MAEL: variants seen among roughly 807,000 people sequenced by gnomAD.
The protein encoded by MAEL is protein maelstrom homolog.
Under a neutral mutation model 62.0 loss-of-function variants are expected in MAEL, and 46 were observed. The ratio of observed to expected loss-of-function variants is 0.74; its 90% confidence interval spans 0.59 to 0.95. The LOEUF (loss-of-function observed/expected upper bound fraction) is 0.95, where lower values mean the gene tolerates loss of function less well. Among genes scored for constraint, MAEL ranks in the 40% least tolerant of loss-of-function variants. The pLI is 0.00. For synonymous variants in MAEL, 172 were observed against 175.5 expected (o/e 0.98, Z 0.16); for missense variants, 497 against 526.8 (o/e 0.94, Z 0.55).
chr1:167,005,020 TAGG>T lies in MAEL; in HGVS notation c.649-53_649-51del, dbSNP rs139650088. The stretch of plus-strand genomic sequence containing the variant: ...GGACAGCATTAGAAGTCATTCAAAG[TAGG>T]AGAAGATACAAGTAGTTTTTTTGTT... On this transcript the variant is annotated intron_variant, in intron 6 of 11. Transcript: ENST00000367872. 4.1e-4 allele frequency: 629 copies of T among 1,537,804 alleles called. No homozygotes were observed. In the African/African-American group the frequency reaches 6.9e-3, roughly 17 times the overall value.
At chr1:167,011,377 A>C (rs1665167052) in intron 8 of MAEL, among the ~76,000 whole-genome samples, 1 of 152,074 alleles carries the variant, frequency 6.6e-6, no homozygotes, top group Non-Finnish European at 1.5e-5. Flanking sequence ...TAATCTGTAA[A>C]GCTTATGGAT....
At chr1:166,992,461 A>G (rs1418759744) in intron 3 of MAEL, among the ~76,000 whole-genome samples, 4 of 152,296 alleles carry the variant, frequency 2.6e-5, no homozygotes, top group Non-Finnish European at 4.4e-5. Flanking sequence ...TTGTTGCTTC[A>G]TGCAAAGAGT....
intron 2 of MAEL, 42 bp from the exon 3 acceptor site, chr1:166,991,336 C>T: frequency 7.7e-7 from 1 of 1,295,576 alleles, no homozygotes; most frequent in Non-Finnish European, 1.1e-6. Flanking sequence ...CTAAAAGTGC[C>T]CAGCAAGAGT....
chr1:167,013,970 C>T (rs1216129474), intron 8 of MAEL, among the ~76,000 whole-genome samples: 2 of 152,144 alleles, frequency 1.3e-5, no homozygotes, highest in Non-Finnish European at 2.9e-5. Flanking sequence ...CTCATGTCTT[C>T]TCTTTCTGCT....
At chr1:167,009,279 G>C (rs1363397223) in intron 8 of MAEL, among the ~76,000 whole-genome samples, 5 of 152,124 alleles carry the variant, frequency 3.3e-5, no homozygotes, top group Admixed American at 1.3e-4. Context: ...AGTATTCCCT[G>C]TGTTCTTGCA....
rs557305256 is a variant in MAEL at position 167,014,748 on chromosome 1, C to T, written c.846-1474C>T. Among the ~76,000 whole-genome samples, 872 of 152,220 alleles carry T rather than the reference C, an allele frequency of 5.7e-3. 10 individuals carry two copies. The highest frequency in any genetic ancestry group is 0.02 in the African/African-American group (814 of 41,508). ...CTCAGAGAAATGAAAGCCTGCCAGG[C>T]GCAGTGGCTCATGCCTGTAATCCCA... On this transcript the variant is annotated intron_variant, in intron 8 of 11. Coordinates refer to ENST00000367872, the MANE Select transcript of MAEL (RefSeq NM_032858.3).
Position 166,989,822 on chromosome 1 carries a change from A to G in MAEL, c.218A>G (p.Glu73Gly). The change falls in exon 2 of 12, where the codon GAG becomes GGG. Residue 73 changes from glutamate (E) to glycine (G), a missense_variant. Physicochemically the swap from Glu to Gly is moderately conservative, Grantham distance 98. Transcript: ENST00000367872. ...CAGGGAAAGGACCCTGGGCCCTCAG[A>G]GAAGCAGGTAAAGTTAACGAGAGAA... ...AAQGKDPGPS[E>G]KQKPVFTPLR... is the part of the protein sequence containing the mutation. The G allele has an allele frequency of 6.2e-7, 1 of 1,611,834 alleles. No individual in the cohort carries two copies. Among genetic ancestry groups the G allele is most frequent in the African/African-American group, 1.3e-5 (1 of 74,808 alleles).
At chr1:167,014,151 C>G (rs1665283341) in intron 8 of MAEL, among the ~76,000 whole-genome samples, 1 of 152,192 alleles carries the variant, frequency 6.6e-6, no homozygotes, top group Non-Finnish European at 1.5e-5. Flanking sequence ...ATGGAGGCCT[C>G]TTCCTGCTTT....
chr1:166,994,177 G>T, intron 5 of MAEL, 108 bp downstream of exon 5: 1 of 1,023,308 alleles, frequency 9.8e-7, no homozygotes, highest in Non-Finnish European at 1.4e-6. Flanking sequence ...ATAACTTTAG[G>T]TTATTGTTAG....
chr1:166,981,511 A>C (rs1663758284), intron 1 of MAEL, among the ~76,000 whole-genome samples: 1 of 151,976 alleles, frequency 6.6e-6, no homozygotes, highest in Non-Finnish European at 1.5e-5. Context: ...GGAGGGAGGC[A>C]AATATGTGGT....
chr1:166,989,369 C>T lies in MAEL; in HGVS notation c.17C>T (p.Ala6Val). 1 of 1,610,064 alleles carries T rather than the reference C, an allele frequency of 6.2e-7. No homozygotes were observed. The highest frequency in any genetic ancestry group is 8.5e-7 in the Non-Finnish European group (1 of 1,178,350). MPNRKASRNAYYFFVQ... is the reference protein window; with the variant it reads MPNRKVSRNAYYFFVQ... ...CGCGCTGCCATGCCGAACCGTAAGGCCAGCCGGAATGCTTACTATTTCTTC... is the reference window on the plus strand; with the variant it reads ...CGCGCTGCCATGCCGAACCGTAAGGTCAGCCGGAATGCTTACTATTTCTTC... The change falls in exon 1 of 12, where the codon GCC (alanine) becomes GTC (valine). Residue 6 changes from alanine (A) to valine (V), a missense_variant. Transcript: ENST00000367872.
At position 167,017,876 on chromosome 1, in the gene MAEL, G is replaced by T; in HGVS notation, c.958G>T (p.Glu320Ter). ...CACTCTCTTTGGAATCCAGCTCACA[G>T]AGGCTCATGTACCACTACAAGATTA... ...LATLFGIQLT[E>*]AHVPLQDYEA... The change falls in exon 10 of 12, where the codon GAG becomes TAG. Residue 320 changes from glutamate to a stop codon, truncating the protein, a stop_gained. Transcript: ENST00000367872. LOFTEE classifies it high-confidence loss of function. 1 of 1,613,332 alleles carries T rather than the reference G, an allele frequency of 6.2e-7. No homozygotes were observed. Among genetic ancestry groups the T allele is most frequent in the Non-Finnish European group, 8.5e-7 (1 of 1,179,528 alleles).
upstream of MAEL, among the ~76,000 whole-genome samples, chr1:166,985,287 A>G (rs1663878533): frequency 6.6e-6 from 1 of 152,116 alleles, no homozygotes; most frequent in African/African-American, 2.4e-5. Context: ...TAGAGTTTGC[A>G]GGGCAGAGTA....
At chr1:167,018,342 T>C (rs1240123554) in intron 10 of MAEL, among the ~76,000 whole-genome samples, 2 of 152,196 alleles carry the variant, frequency 1.3e-5, no homozygotes, top group Non-Finnish European at 2.9e-5. Context: ...CTAATTTCTC[T>C]ACCACCTTCC....
intron 8 of MAEL, among the ~76,000 whole-genome samples, chr1:167,010,792 T>C (rs1407019447): frequency 6.6e-6 from 1 of 152,172 alleles, no homozygotes; most frequent in African/African-American, 2.4e-5. Context: ...AATAGCTTTC[T>C]GTAGATGAAG....
chr1:166,994,145 C>A, intron 5 of MAEL, 76 bp downstream of exon 5: 2 of 1,263,344 alleles, frequency 1.6e-6, no homozygotes, highest in Non-Finnish European at 1.1e-6. Context: ...CTTTTACACA[C>A]AAACTATAAA....
intron 5 of MAEL, among the ~76,000 whole-genome samples, chr1:166,994,910 C>T (rs960349305): frequency 3.3e-5 from 5 of 150,710 alleles, no homozygotes; most frequent in East Asian, 1.9e-4. Context: ...CCTTGTGATC[C>T]GCCCACATCG....
chr1:167,016,931 A>G (rs1665419790), intron 9 of MAEL, among the ~76,000 whole-genome samples: 1 of 152,152 alleles, frequency 6.6e-6, no homozygotes, highest in South Asian at 2.1e-4. Flanking sequence ...TCTAAAAATC[A>G]AAACAATTGA....
upstream of MAEL, among the ~76,000 whole-genome samples, chr1:166,986,944 ACGTGTGTG>A (rs1663935647): frequency 1.7e-5 from 1 of 57,700 alleles, no homozygotes; most frequent in African/African-American, 7.5e-5. Context: ...AAGGAAGGGG[ACGTGTGTG>A]TGTGTGTGTG....
Sources: allele counts gnomAD v4.1 joint callset (sites outside exome capture counted in the v4.1 genomes callset), GRCh38; gene constraint gnomAD v4.1.1; transcripts MANE v1.5; gene names NCBI Gene and HGNC (gene_info 2026-07-23, HGNC 2026-07-21).